SYNGR3: variants seen among roughly 807,000 people sequenced by gnomAD.
The protein encoded by SYNGR3 is synaptogyrin-3.
In SYNGR3, 10 loss-of-function variants were observed where a neutral mutation model predicts 18.5. That is an observed-to-expected ratio of 0.54 (90% CI 0.33 to 0.92). The LOEUF (loss-of-function observed/expected upper bound fraction) is 0.92. Among genes scored for constraint, SYNGR3 ranks in the 40% least tolerant of loss-of-function variants. The pLI is 0.02. For missense variants in SYNGR3, 335 were observed against 332.8 expected (o/e 1.01, Z -0.05); for synonymous variants, 188 against 157.2 (o/e 1.20, Z -1.47).
rs1470209763 is a variant in SYNGR3, at chr16:1,993,717, G to T, written c.*645G>T. ...CCCTGCCCAGGTGTGGGTGGTTCTG[G>T]CCAGGAAGGCACAAGGTAGCTGTGG... On this transcript the variant is annotated 3_prime_UTR_variant, in exon 4 of 4. Coordinates refer to ENST00000248121, the MANE Select transcript of SYNGR3 (RefSeq NM_004209.6). 2.5e-6 allele frequency: 1 copy of T among 405,084 alleles called. No individual in the cohort carries two copies. The highest frequency in any genetic ancestry group is 5.0e-6 in the Non-Finnish European group (1 of 199,086). 25.1% of individuals were successfully genotyped at this position (405,084 alleles called of 1,614,324 possible). A position where few individuals can be genotyped will look rare whatever the true frequency, so the allele number is the denominator to read the frequency against.
In SYNGR3 at chr16:1,991,955, A is replaced by AGCGCC. The variant is rs773691853; in HGVS notation, c.100-11_100-7dup. 36 of 1,580,072 alleles carry AGCGCC rather than the reference A, an allele frequency of 2.3e-5. No homozygotes were observed. In the East Asian group the frequency reaches 5.7e-4, roughly 25 times the overall value. On this transcript the variant is annotated intron_variant, in intron 1 of 3. Transcript: ENST00000248121. ...GAGGTCGGGTCGCCGCAGGGCCCTG[A>AGCGCC]GCGCCGCGCCGCACGCAGGTGTTCT...
At position 1,989,987 on chromosome 16, in the gene SYNGR3, A is replaced by C. The variant is rs2083593103; in HGVS notation, c.-116A>C. 2.4e-5 allele frequency: 7 copies of C among 297,608 alleles called. No individual in the cohort carries two copies. In the South Asian group the frequency reaches 5.8e-4, roughly 25 times the overall value. 18.4% of individuals were successfully genotyped at this position (297,608 alleles called of 1,614,324 possible). A position where few individuals can be genotyped will look rare whatever the true frequency, so the allele number is the denominator to read the frequency against. On this transcript the variant is annotated 5_prime_UTR_variant, in exon 1 of 4. Transcript: ENST00000248121. ...GCTCCCGGGAGGCGGCAGCGGCTGCAGCGTTGGTAGCATCAGCATCAGCAT... is the reference window on the plus strand; with the variant it reads ...GCTCCCGGGAGGCGGCAGCGGCTGCCGCGTTGGTAGCATCAGCATCAGCAT...
rs377577112 is a variant in SYNGR3 at position 1,992,003 on chromosome 16, C to A, written c.129C>A (p.Ile43=). Residue 43 remains isoleucine (I), a synonymous_variant, in exon 2 of 4, where the codon ATC becomes ATA. Coordinates refer to ENST00000248121, the MANE Select transcript of SYNGR3 (RefSeq NM_004209.6). ...TCTCCATCGCCGTCTTCGGGCCCAT[C>A]GTCAACGAGGGCTACGTGAACACCG... is the stretch of plus-strand genomic sequence containing the variant. ...WVFSIAVFGP[I]VNEGYVNTDS... 1.4e-5 allele frequency: 23 copies of A among 1,594,298 alleles called. No individual in the cohort carries two copies. The highest frequency in any genetic ancestry group is 1.2e-4 in the South Asian group (11 of 88,860).
At chr16:1,990,492 T>C in intron 1 of SYNGR3, 2 of 533,696 alleles carry the variant, frequency 3.7e-6, no homozygotes, top group Non-Finnish European at 7.2e-6. Context: ...TCAGTCCCTT[T>C]CCGCAGCCCT....
At position 1,990,012 on chromosome 16, in the gene SYNGR3, TCAGCGG is replaced by T. The variant is rs963045283; in HGVS notation, c.-77_-72del. ...AGCGTTGGTAGCATCAGCATCAGCA[TCAGCGG>T]CAGCGGCAGCGGCCTCGGGCGGGGC... On this transcript the variant is annotated 5_prime_UTR_variant, in exon 1 of 4. Coordinates refer to ENST00000248121, the MANE Select transcript of SYNGR3 (RefSeq NM_004209.6). 5.5e-5 allele frequency: 22 copies of T among 400,416 alleles called. No individual in the cohort carries two copies. The highest frequency in any genetic ancestry group is 4.3e-4 in the African/African-American group (20 of 46,460). 24.8% of individuals were successfully genotyped at this position (400,416 alleles called of 1,614,324 possible).
At chr16:1,991,879 TGGGAACGCA>T in intron 1 of SYNGR3, 86 bp from the exon 2 acceptor site, 1 of 1,102,840 alleles carries the variant, frequency 9.1e-7, no homozygotes, top group Non-Finnish European at 1.3e-6. Flanking sequence ...GATACGGGCC[TGGGAACGCA>T]GGGACAGGCC....
Position 1,992,770 on chromosome 16 carries a change from C to T in SYNGR3, c.472C>T (p.Leu158Phe). 6.4e-7 allele frequency: 1 copy of T among 1,566,286 alleles called. No homozygotes were observed. Among genetic ancestry groups the T allele is most frequent in the Non-Finnish European group, 8.6e-7 (1 of 1,160,278 alleles). The change falls in exon 3 of 4, where the codon CTC (leucine) becomes TTC (phenylalanine). Residue 158 changes from leucine (L) to phenylalanine (F), a missense_variant. By Grantham distance (22) the Leu-to-Phe change is conservative (BLOSUM62 0). Transcript: ENST00000248121. ...AAIAFSFFSI[L>F]SWVALTVKAL... ...CATCGCCTTCAGCTTCTTCTCCATC[C>T]TCAGCTGGGTGAGTGCGGGGCCCGG...
In SYNGR3 at chr16:1,990,185, T is replaced by C; in HGVS notation, c.83T>C (p.Leu28Pro). 1 of 1,279,246 alleles carries C rather than the reference T, an allele frequency of 7.8e-7. No homozygotes were observed. The highest frequency in any genetic ancestry group is 2.5e-5 in the South Asian group (1 of 40,124). 79.2% of individuals were successfully genotyped at this position (1,279,246 alleles called of 1,614,324 possible). Reference protein sequence around the residue: ...VSFARRPQTLLRVASWVFSIA... With the variant: ...VSFARRPQTLPRVASWVFSIA... ...TTTGCGCGGCGGCCCCAGACCCTGC[T>C]CCGGGTCGCGTCCTGGGTGAGTGGT... is the stretch of plus-strand genomic sequence containing the variant. Residue 28 changes from leucine to proline, a missense_variant, in exon 1 of 4, where the codon CTC becomes CCC. Transcript: ENST00000248121.
At position 1,992,725 on chromosome 16, in the gene SYNGR3, G is replaced by A; in HGVS notation, c.427G>A (p.Gly143Arg). 6.3e-7 allele frequency: 1 copy of A among 1,592,598 alleles called. No homozygotes were observed. Among genetic ancestry groups the A allele is most frequent in the Non-Finnish European group, 8.5e-7 (1 of 1,173,026 alleles). The change falls in exon 3 of 4, where the codon GGG becomes AGG. Residue 143 changes from glycine to arginine, a missense_variant. Physicochemically the swap from Gly to Arg is moderately radical, Grantham distance 125. Transcript: ENST00000248121. ...TAPGPATTQA[G>R]DAARAAIAFS... ...GCCAGGGCCGGCCACGACGCAGGCG[G>A]GGGACGCGGCGCGGGCCGCCATCGC...
intron 2 of SYNGR3, 170 bp from the exon 3 acceptor site, chr16:1,992,466 G>T (rs2083609298): frequency 4.0e-6 from 4 of 990,428 alleles, no homozygotes; most frequent in Admixed American, 7.9e-5. Flanking sequence ...CGGGTCTGGC[G>T]CTCCCGGGTG....
chr16:1,991,867 C>A, intron 1 of SYNGR3, 107 bp from the exon 2 acceptor site: 1 of 948,388 alleles, frequency 1.1e-6, no homozygotes, highest in East Asian at 3.0e-5. Context: ...GCCCCCCACC[C>A]AGATACGGGC....
intron 2 of SYNGR3, 81 bp from the exon 3 acceptor site, chr16:1,992,555 C>T (rs982588652): frequency 2.0e-6 from 3 of 1,509,286 alleles, no homozygotes; most frequent in South Asian, 2.4e-5. Context: ...AGCCTCGGGC[C>T]CACCGACCTT....
At chr16:1,992,580 A>C (rs2083610098) in intron 2 of SYNGR3, 56 bp from the exon 3 acceptor site, 1 of 1,561,860 alleles carries the variant, frequency 6.4e-7, no homozygotes, top group South Asian at 1.1e-5. Context: ...CCTCCGGGCG[A>C]GGCCGCCGTG....
chr16:1,993,843 G>A lies in SYNGR3; in HGVS notation c.*771G>A, dbSNP rs1343244900. 3.0e-5 allele frequency: 10 copies of A among 329,060 alleles called. No individual in the cohort carries two copies. The highest frequency in any genetic ancestry group is 1.1e-3 in the Middle Eastern group (1 of 888). The allele number at this position is 329,060 out of a possible 1,614,324, so 20.4% of individuals were successfully genotyped here. ...AAGACAAGCCCCTCAGCAGGAGAGAGGCCCAGAGGCTCCAGCTGGCCACCG... is the reference window on the plus strand; with the variant it reads ...AAGACAAGCCCCTCAGCAGGAGAGAAGCCCAGAGGCTCCAGCTGGCCACCG... On this transcript the variant is annotated 3_prime_UTR_variant, in exon 4 of 4. Transcript: ENST00000248121.
chr16:1,992,924 C>G lies in SYNGR3; in HGVS notation c.542C>G (p.Ala181Gly), dbSNP rs771101944. Residue 181 changes from alanine (A) to glycine (G), a missense_variant, in exon 4 of 4, where the codon GCC becomes GGC. Transcript: ENST00000248121. ...FRLGTDMSLF[A>G]TEQLSTGASQ... The stretch of plus-strand genomic sequence containing the variant: ...CTGGGCACCGACATGTCACTCTTCG[C>G]CACCGAACAGCTGAGCACCGGGGCG... The G allele has an allele frequency of 1.9e-6, 3 of 1,610,118 alleles. No homozygotes were observed. Among genetic ancestry groups the G allele is most frequent in the Admixed American group, 3.3e-5 (2 of 59,754 alleles).
chr16:1,990,200 G>T lies in SYNGR3; in HGVS notation c.98G>T (p.Trp33Leu), dbSNP rs2083594993. The T allele has an allele frequency of 1.6e-6, 2 of 1,278,238 alleles. No individual in the cohort carries two copies. The highest frequency in any genetic ancestry group is 2.5e-5 in the South Asian group (1 of 40,578). The allele number at this position is 1,278,238 out of a possible 1,614,324, so 79.2% of individuals were successfully genotyped here. ...CAGACCCTGCTCCGGGTCGCGTCCT[G>T]GGTGAGTGGTCCCTGCCCGGGCCCC... ...RPQTLLRVAS[W>L]VFSIAVFGPI... is the part of the protein sequence containing the mutation. The change falls in exon 1 of 4, where the codon TGG (tryptophan) becomes TTG (leucine). Residue 33 changes from tryptophan (W) to leucine (L), a missense_variant and splice_region_variant. Physicochemically the swap from Trp to Leu is moderately conservative, Grantham distance 61. Transcript: ENST00000248121.
chr16:1,992,455 A>C, intron 2 of SYNGR3, 181 bp from the exon 3 acceptor site: 7 of 873,888 alleles, frequency 8.0e-6, no homozygotes, highest in Non-Finnish European at 1.1e-5. Flanking sequence ...TGGGCGCGGA[A>C]CGGGTCTGGC....
intron 1 of SYNGR3, chr16:1,990,602 C>T: frequency 2.5e-6 from 1 of 399,738 alleles, no homozygotes; most frequent in Non-Finnish European, 5.1e-6. Flanking sequence ...AGAAGCGCCT[C>T]CCCTTCCCCC....
intron 2 of SYNGR3, 196 bp downstream of exon 2, chr16:1,992,407 A>C: frequency 1.4e-6 from 1 of 716,476 alleles, no homozygotes; most frequent in South Asian, 2.6e-5. Flanking sequence ...GCGCCGCGGG[A>C]CTTTCTAGGT....
Sources: gnomAD v4.1 joint callset for allele counts on GRCh38, gnomAD v4.1.1 for gene constraint, MANE v1.5 for transcripts, NCBI Gene and HGNC (gene_info 2026-07-23, HGNC 2026-07-21) for gene names.